The following KCNU1 variants were observed in gnomAD, a reference collection of about 807,000 sequenced individuals.
KCNU1 encodes potassium channel subfamily U member 1.
A neutral mutation model predicts 126.8 loss-of-function variants in KCNU1; 93 were observed. That is an observed-to-expected ratio of 0.73 (90% CI 0.62 to 0.87). The LOEUF (loss-of-function observed/expected upper bound fraction) is 0.87. Among genes scored for constraint, KCNU1 ranks in the 40% least tolerant of loss-of-function variants. The pLI, the probability that KCNU1 is intolerant of heterozygous loss-of-function variation, is 0.00. For missense variants in KCNU1, 1,330 were observed against 1,367.1 expected, an observed-to-expected ratio of 0.97 and a Z score of 0.43; for synonymous variants, 523 against 494.2, an observed-to-expected ratio of 1.06 and a Z score of -0.77.
intron 9 of KCNU1, among the ~76,000 whole-genome samples, chr8:36,816,632 A>G (rs1335426888): frequency 7.0e-6 from 1 of 142,954 alleles, no homozygotes; most frequent in African/African-American, 2.7e-5. Flanking sequence ...AAATCAGTCA[A>G]TAGGTCTGGG....
intron 22 of KCNU1, among the ~76,000 whole-genome samples, chr8:36,912,486 A>G (rs1263998673): frequency 6.6e-6 from 1 of 152,110 alleles, no homozygotes; most frequent in Non-Finnish European, 1.5e-5. Context: ...CAGACTTAGG[A>G]GGGGTGAGCC....
At chr8:36,925,616 C>T (rs1247650825) in intron 24 of KCNU1, among the ~76,000 whole-genome samples, 2 of 152,152 alleles carry the variant, frequency 1.3e-5, no homozygotes, top group African/African-American at 4.8e-5. Flanking sequence ...GGCTTCCCAT[C>T]ACCAAAGAAA....
At position 36,932,958 on chromosome 8, in the gene KCNU1, A is replaced by G. The variant is rs1264291172; in HGVS notation, c.2970A>G (p.Leu990=). Residue 990 remains leucine (L), a synonymous_variant, in exon 26 of 27, where the codon TTA becomes TTG. Transcript: ENST00000399881. ...NTFGQLFCGS[L]DLFGILCVGL... ...TTGGACAACTGTTCTGTGGCTCATT[A>G]GATCTTTTTGGAATCCTGTGTGTTG... 6.3e-7 allele frequency: 1 copy of G among 1,576,720 alleles called. No individual in the cohort carries two copies. The highest frequency in any genetic ancestry group is 2.3e-5 in the East Asian group (1 of 43,648).
chr8:36,853,355 TA>T (rs1805420629), intron 18 of KCNU1, among the ~76,000 whole-genome samples: 1 of 152,118 alleles, frequency 6.6e-6, no homozygotes, highest in African/African-American at 2.4e-5. Flanking sequence ...TCTCAAAAAA[TA>T]AATAAATAAA....
At chr8:36,800,066 A>C (rs938552899) in intron 2 of KCNU1, among the ~76,000 whole-genome samples, 1 of 151,998 alleles carries the variant, frequency 6.6e-6, no homozygotes, top group Non-Finnish European at 1.5e-5. Context: ...TATCCTCTCA[A>C]ATCTCACTAG....
chr8:36,923,156 G>C, intron 24 of KCNU1: 2 of 440,320 alleles, frequency 4.5e-6, no homozygotes, highest in Non-Finnish European at 9.1e-6. Context: ...TAGCCACCTG[G>C]CAGACCTTTT....
chr8:36,897,646 A>G (rs1807250232), intron 19 of KCNU1, among the ~76,000 whole-genome samples: 1 of 152,020 alleles, frequency 6.6e-6, no homozygotes, highest in Admixed American at 6.6e-5. Context: ...AAGCACAGGA[A>G]ACATCTAAGC....
At chr8:36,914,940 C>T (rs75479541) in intron 22 of KCNU1, among the ~76,000 whole-genome samples, 3,189 of 152,242 alleles carry the variant, frequency 0.021, 121 homozygotes, top group African/African-American at 0.073. Context: ...AAAATATTGA[C>T]ATTAGTAAAA....
intron 24 of KCNU1, among the ~76,000 whole-genome samples, chr8:36,923,876 T>A (rs561407142): frequency 2.0e-4 from 31 of 152,176 alleles, no homozygotes; most frequent in Non-Finnish European, 2.9e-4. Context: ...CATTTCCACA[T>A]AAAGAAGGTG....
At chr8:36,785,589 AG>A (rs758925108) in intron 1 of KCNU1, among the ~76,000 whole-genome samples, 6 of 152,176 alleles carry the variant, frequency 3.9e-5, no homozygotes, top group Non-Finnish European at 8.8e-5. Flanking sequence ...TTCCTAAACA[AG>A]TTTATTCTAT....
intron 24 of KCNU1, among the ~76,000 whole-genome samples, chr8:36,928,107 A>G (rs995469882): frequency 1.3e-5 from 2 of 152,072 alleles, no homozygotes; most frequent in Admixed American, 1.3e-4. Flanking sequence ...CCCAAATAGT[A>G]AGAATAGGAG....
At chr8:36,839,128 T>A (rs1311869244) in intron 14 of KCNU1, among the ~76,000 whole-genome samples, 1 of 152,202 alleles carries the variant, frequency 6.6e-6, no homozygotes, top group Non-Finnish European at 1.5e-5. Context: ...TAAAAGGCCT[T>A]GAGTCAATGC....
At chr8:36,786,201 T>A (rs1177908741) in intron 1 of KCNU1, among the ~76,000 whole-genome samples, 1 of 152,176 alleles carries the variant, frequency 6.6e-6, no homozygotes, top group Admixed American at 6.5e-5. Flanking sequence ...TCCTTAAATG[T>A]GCATTTAAAA....
intron 23 of KCNU1, 34 bp from the exon 24 acceptor site, chr8:36,922,456 T>TGCTTGTCTTTCCTTTTTGCC: frequency 6.3e-7 from 1 of 1,599,546 alleles, no homozygotes; most frequent in South Asian, 1.1e-5. Flanking sequence ...TAACCTGATC[T>TGCTTGTCTTTCCTTTTTGCC]GCTTGTCTTT....
intron 14 of KCNU1, among the ~76,000 whole-genome samples, chr8:36,837,330 T>A (rs1237178625): frequency 1.3e-5 from 2 of 152,088 alleles, no homozygotes; most frequent in Admixed American, 6.6e-5. Flanking sequence ...ATAAATTAAA[T>A]CCAAAATAAT....
At chr8:36,802,552 T>C (rs950147826) in intron 2 of KCNU1, among the ~76,000 whole-genome samples, 7 of 152,124 alleles carry the variant, frequency 4.6e-5, no homozygotes, top group African/African-American at 1.7e-4. Flanking sequence ...GAGACTTCTA[T>C]AACCAGCTGA....
intron 24 of KCNU1, among the ~76,000 whole-genome samples, chr8:36,923,440 C>T (rs1391012205): frequency 1.3e-5 from 2 of 152,130 alleles, no homozygotes; most frequent in African/African-American, 4.8e-5. Flanking sequence ...ATTGCCTTCT[C>T]AGGGAAGGCG....
rs79523414 is a variant in KCNU1 at position 36,908,109 on chromosome 8, T to C, written c.2107-1202T>C. ...CTTCTGACTCCGAGTCCAGGGTTTT[T>C]TCTGTTACATCCCAGTGCTGTTAAG... On this transcript the variant is annotated intron_variant, in intron 20 of 26. Coordinates refer to ENST00000399881, the MANE Select transcript of KCNU1 (RefSeq NM_001031836.3). Among the ~76,000 whole-genome samples, 1,470 of 152,292 alleles carry C rather than the reference T, an allele frequency of 9.7e-3. 12 individuals are homozygous for C. The highest frequency in any genetic ancestry group is 0.014 in the Middle Eastern group (4 of 294).
chr8:36,843,666 G>A (rs959533258), intron 16 of KCNU1, among the ~76,000 whole-genome samples: 21 of 152,218 alleles, frequency 1.4e-4, no homozygotes, highest in African/African-American at 4.6e-4. Context: ...AAGGAAGACT[G>A]CATGTTTAAA....
Sources: gnomAD v4.1 joint callset for allele counts (sites outside exome capture counted in the v4.1 genomes callset) on GRCh38, gnomAD v4.1.1 for gene constraint, MANE v1.5 for transcripts, NCBI Gene and HGNC (gene_info 2026-07-23, HGNC 2026-07-21) for gene names.